The following TCF12 variants were observed in gnomAD, a reference collection of about 807,000 sequenced individuals.
TCF12 encodes the protein transcription factor 12, also known as DNA-binding protein HTF4.
Under a neutral mutation model 86.0 loss-of-function variants are expected in TCF12, and 45 were observed. The observed-to-expected ratio is 0.52, with a 90% confidence interval of 0.41 to 0.67. The LOEUF (loss-of-function observed/expected upper bound fraction) is 0.67, where lower values mean the gene tolerates loss of function less well. TCF12 is among the 30% of genes least tolerant of loss of function. The pLI, the probability that TCF12 is intolerant of heterozygous loss-of-function variation, is 0.00. For synonymous variants in TCF12, 330 were observed against 299.6 expected (o/e 1.10, Z -1.05); for missense variants, 881 against 859.9 (o/e 1.02, Z -0.31).
At chr15:57,260,560 A>G (rs1481396041) in intron 16 of TCF12, among the ~76,000 whole-genome samples, 1 of 152,164 alleles carries the variant, frequency 6.6e-6, no homozygotes, top group East Asian at 1.9e-4. Flanking sequence ...GGGGTCATAG[A>G]AGTTTTAAGT....
At chr15:57,105,132 C>G (rs2050054840) in intron 5 of TCF12, among the ~76,000 whole-genome samples, 1 of 151,934 alleles carries the variant, frequency 6.6e-6, no homozygotes, top group South Asian at 2.1e-4. Flanking sequence ...CCCTGGCCTC[C>G]CAAAGTGCTG....
intron 4 of TCF12, among the ~76,000 whole-genome samples, chr15:57,064,698 A>C (rs1323894837): frequency 6.7e-6 from 1 of 149,530 alleles, no homozygotes; most frequent in Admixed American, 6.7e-5. Flanking sequence ...CGGGAGGCTG[A>C]GGCAGGAGAA....
intron 3 of TCF12, among the ~76,000 whole-genome samples, chr15:56,921,732 C>G (rs2059802764): frequency 6.6e-6 from 1 of 151,982 alleles, no homozygotes; most frequent in Non-Finnish European, 1.5e-5. Context: ...TGGGCTGAAA[C>G]TCAGTAATGC....
At position 57,247,722 on chromosome 15, in the gene TCF12, C is replaced by T. The variant is rs1485020741; in HGVS notation, c.1115-3628C>T. ...TTTACAGAATCCTCTATAGAAAGAG[C>T]TCTCTTTGGTTCCACTACACACCTG... On this transcript the variant is annotated intron_variant, in intron 13 of 20. Coordinates refer to ENST00000333725, the MANE Select transcript of TCF12 (RefSeq NM_207037.2). The T allele has an allele frequency of 6.8e-6, 5 of 734,264 alleles. No individual in the cohort carries two copies. In the Admixed American group the frequency reaches 9.2e-5, roughly 13 times the overall value. The allele number at this position is 734,264 out of a possible 1,614,324, so 45.5% of individuals were successfully genotyped here. A position where few individuals can be genotyped will look rare whatever the true frequency, so the allele number is the denominator to read the frequency against.
At chr15:57,231,398 A>G in intron 9 of TCF12, 141 bp downstream of exon 9, 1 of 619,772 alleles carries the variant, frequency 1.6e-6, no homozygotes, top group Non-Finnish European at 2.8e-6. Flanking sequence ...TTAGCTTTAT[A>G]ATTTTCCAGT....
intron 5 of TCF12, among the ~76,000 whole-genome samples, chr15:57,132,412 G>T (rs1027878245): frequency 1.3e-5 from 2 of 152,124 alleles, no homozygotes; most frequent in Admixed American, 1.3e-4. Context: ...GTTTTTGAGA[G>T]AGATCAAATA....
chr15:57,039,000 T>C (rs2066706915), intron 3 of TCF12, among the ~76,000 whole-genome samples: 1 of 152,240 alleles, frequency 6.6e-6, no homozygotes, highest in Admixed American at 6.5e-5. Context: ...CTCCAAATGC[T>C]GTGATTTTTG....
At chr15:56,935,925 AT>A (rs1260515289) in intron 3 of TCF12, among the ~76,000 whole-genome samples, 36 of 152,078 alleles carry the variant, frequency 2.4e-4, no homozygotes, top group African/African-American at 8.5e-4. Context: ...CTGGTTCCAT[AT>A]TTTTGCAATT....
At chr15:57,160,988 C>A (rs2593248) in intron 5 of TCF12, among the ~76,000 whole-genome samples, 1,610 of 152,270 alleles carry the variant, frequency 0.011, 31 homozygotes, top group African/African-American at 0.037. Context: ...CAGCACCCGG[C>A]CAGAAGCTTG....
At chr15:57,019,520 A>G (rs2141238885) in intron 3 of TCF12, among the ~76,000 whole-genome samples, 1 of 152,276 alleles carries the variant, frequency 6.6e-6, no homozygotes, top group Non-Finnish European at 1.5e-5. Flanking sequence ...TATGGTGGCC[A>G]GGAGGATAGG....
At chr15:57,162,650 A>T (rs1397959766) in intron 5 of TCF12, among the ~76,000 whole-genome samples, 3 of 152,196 alleles carry the variant, frequency 2.0e-5, no homozygotes, top group African/African-American at 7.2e-5. Context: ...AATGTCCTTT[A>T]TGAAAGGATA....
intron 5 of TCF12, among the ~76,000 whole-genome samples, chr15:57,127,137 C>T (rs1212881873): frequency 1.3e-5 from 2 of 151,830 alleles, no homozygotes; most frequent in Non-Finnish European, 2.9e-5. Context: ...CACCCACCAC[C>T]ACACCTGGCT....
chr15:57,156,072 T>C (rs528912361), intron 5 of TCF12, among the ~76,000 whole-genome samples: 12 of 152,368 alleles, frequency 7.9e-5, no homozygotes, highest in Non-Finnish European at 1.6e-4. Flanking sequence ...TTCAGTTTGC[T>C]GTATTCAGCA....
intron 5 of TCF12, among the ~76,000 whole-genome samples, chr15:57,126,757 G>A (rs946700767): frequency 6.6e-6 from 1 of 152,050 alleles, no homozygotes; most frequent in Admixed American, 6.6e-5. Flanking sequence ...GTCACAGTGA[G>A]GATCTCTATG....
At chr15:57,140,907 C>G (rs2052914075) in intron 5 of TCF12, among the ~76,000 whole-genome samples, 1 of 152,144 alleles carries the variant, frequency 6.6e-6, no homozygotes, top group African/African-American at 2.4e-5. Context: ...CTTTACATCT[C>G]TGTCAAGGTA....
In TCF12 at chr15:57,064,063, T is replaced by A. The variant is rs142595645; in HGVS notation, c.222+240T>A. On this transcript the variant is annotated intron_variant, in intron 4 of 20. Transcript: ENST00000333725. ...TGTACACATGAACTGCCTACAGTAC[T>A]CTACTAAAGAGCTTAGAATGCATAA... 1.5e-3 allele frequency among the ~76,000 whole-genome samples: 235 copies of A among 152,354 alleles called. 1 individual carries two copies. Among genetic ancestry groups the A allele is most frequent in the Non-Finnish European group, 1.9e-3 (128 of 68,036 alleles).
chr15:56,993,762 A>T (rs1035945059), intron 3 of TCF12, among the ~76,000 whole-genome samples: 1 of 152,224 alleles, frequency 6.6e-6, no homozygotes, highest in Non-Finnish European at 1.5e-5. Flanking sequence ...AACCAAATGA[A>T]TCACTTGTTA....
intron 19 of TCF12, 110 bp from the exon 20 acceptor site, chr15:57,282,335 G>T: frequency 1.6e-6 from 2 of 1,286,950 alleles, no homozygotes; most frequent in South Asian, 1.3e-5. Context: ...TCTATGTGAT[G>T]GTACTTAGTA....
chr15:57,016,598 G>T (rs1416825876), intron 3 of TCF12, among the ~76,000 whole-genome samples: 1 of 152,024 alleles, frequency 6.6e-6, no homozygotes, highest in Non-Finnish European at 1.5e-5. Context: ...TAATCAGCTT[G>T]GTTGATAGAA....
Sources: allele counts gnomAD v4.1 joint callset (sites outside exome capture counted in the v4.1 genomes callset), GRCh38; gene constraint gnomAD v4.1.1; transcripts MANE v1.5; gene names NCBI Gene and HGNC (gene_info 2026-07-23, HGNC 2026-07-21).